INPP4B: variants seen among roughly 807,000 people sequenced by gnomAD.
INPP4B encodes inositol polyphosphate-4-phosphatase type II B, also known as inositol polyphosphate 4-phosphatase type II.
In INPP4B, 55 loss-of-function variants were observed where a neutral mutation model predicts 122.5. The observed-to-expected ratio is 0.45, with a 90% CI of 0.36 to 0.56. The LOEUF is 0.56. Among genes scored for constraint, INPP4B ranks in the 20% least tolerant of loss-of-function variants. The pLI, the probability that INPP4B is intolerant of heterozygous loss-of-function variation, is 0.00. For synonymous variants in INPP4B, 403 were observed against 388.7 expected (o/e 1.04, Z -0.43); for missense variants, 1,000 against 1,097.7 (o/e 0.91, Z 1.26).
intron 1 of INPP4B, among the ~76,000 whole-genome samples, chr4:142,777,296 G>A (rs1169823212): frequency 6.6e-6 from 1 of 152,132 alleles, no homozygotes; most frequent in East Asian, 1.9e-4. Flanking sequence ...ACAGAAGACT[G>A]GAGAGAGATA....
chr4:142,549,957 TAGG>T (rs983722634), intron 2 of INPP4B, among the ~76,000 whole-genome samples: 1 of 152,106 alleles, frequency 6.6e-6, no homozygotes, highest in African/African-American at 2.4e-5. Flanking sequence ...CCTCGTGTAT[TAGG>T]AGGAGGGGGA....
chr4:142,330,185 T>G (rs1043511771), intron 7 of INPP4B, among the ~76,000 whole-genome samples: 1 of 152,172 alleles, frequency 6.6e-6, no homozygotes, highest in Non-Finnish European at 1.5e-5. Context: ...CAAAGACCCA[T>G]GAAGAGCAAA....
intron 17 of INPP4B, among the ~76,000 whole-genome samples, chr4:142,152,534 T>G (rs1342179820): frequency 1.3e-5 from 2 of 152,180 alleles, no homozygotes; most frequent in African/African-American, 2.4e-5. Flanking sequence ...TTCTTCCATC[T>G]TTTCCGACTG....
intron 7 of INPP4B, among the ~76,000 whole-genome samples, chr4:142,369,657 T>C (rs896153107): frequency 6.6e-6 from 1 of 151,426 alleles, no homozygotes; most frequent in Non-Finnish European, 1.5e-5. Flanking sequence ...CTGGGCTCAG[T>C]GGCTCATGCC....
intron 12 of INPP4B, among the ~76,000 whole-genome samples, chr4:142,222,088 T>C (rs903378510): frequency 6.6e-6 from 1 of 152,218 alleles, no homozygotes; most frequent in African/African-American, 2.4e-5. Flanking sequence ...GCCTCCCAAG[T>C]AGCCAGGATT....
At chr4:142,599,178 A>G (rs930138721) in intron 2 of INPP4B, among the ~76,000 whole-genome samples, 2 of 152,140 alleles carry the variant, frequency 1.3e-5, no homozygotes, top group South Asian at 2.1e-4. Flanking sequence ...CAGGTTCCTG[A>G]GTACCCTCTT....
chr4:142,554,149 G>C (rs12645394), intron 2 of INPP4B, among the ~76,000 whole-genome samples: 57,079 of 146,046 alleles, frequency 0.39, 12,421 homozygotes, highest in East Asian at 0.81. Context: ...ATATTGCCCA[G>C]TGCACTCCAG....
intron 3 of INPP4B, among the ~76,000 whole-genome samples, chr4:142,449,979 GCTGCCAGGGT>G (rs1813788493): frequency 6.6e-6 from 1 of 152,090 alleles, no homozygotes; most frequent in Non-Finnish European, 1.5e-5. Flanking sequence ...CACTTCCCAG[GCTGCCAGGGT>G]CTCATAATCT....
At chr4:142,214,251 C>T (rs1184174796) in intron 12 of INPP4B, among the ~76,000 whole-genome samples, 1 of 152,136 alleles carries the variant, frequency 6.6e-6, no homozygotes, top group Non-Finnish European at 1.5e-5. Flanking sequence ...CTAGTACATT[C>T]TAGAACTCTA....
chr4:142,075,580 G>C (rs1007419807), intron 25 of INPP4B, among the ~76,000 whole-genome samples: 3 of 151,946 alleles, frequency 2.0e-5, no homozygotes, highest in African/African-American at 7.2e-5. Flanking sequence ...AAGACCAGGA[G>C]AACTTCCCCA....
intron 2 of INPP4B, among the ~76,000 whole-genome samples, chr4:142,683,564 T>C (rs150610079): frequency 7.3e-5 from 11 of 151,702 alleles, no homozygotes; most frequent in Non-Finnish European, 1.6e-4. Context: ...TTGGTAGTCA[T>C]TGAGTTGTCT....
At chr4:142,535,190 G>T (rs180718548) in intron 2 of INPP4B, among the ~76,000 whole-genome samples, 3 of 152,006 alleles carry the variant, frequency 2.0e-5, no homozygotes, top group Non-Finnish European at 4.4e-5. Flanking sequence ...TGAGCATCTA[G>T]AGACACATCT....
chr4:142,344,021 T>C (rs1443941579), intron 7 of INPP4B, among the ~76,000 whole-genome samples: 1 of 152,106 alleles, frequency 6.6e-6, no homozygotes, highest in African/African-American at 2.4e-5. Flanking sequence ...GTTATTATCA[T>C]TGAGATTTCC....
At chr4:142,764,871 A>T (rs1771863802) in intron 1 of INPP4B, among the ~76,000 whole-genome samples, 1 of 152,086 alleles carries the variant, frequency 6.6e-6, no homozygotes, top group Non-Finnish European at 1.5e-5. Flanking sequence ...TATGAGGCTA[A>T]GACGTTCGCT....
chr4:142,257,888 T>C (rs1167143686), intron 11 of INPP4B, among the ~76,000 whole-genome samples: 1 of 152,176 alleles, frequency 6.6e-6, no homozygotes, highest in Non-Finnish European at 1.5e-5. Flanking sequence ...AGAGCCTGCA[T>C]TGCCAAGTCA....
At chr4:142,364,342 A>C (rs1786623433) in intron 7 of INPP4B, among the ~76,000 whole-genome samples, 1 of 152,028 alleles carries the variant, frequency 6.6e-6, no homozygotes, top group Non-Finnish European at 1.5e-5. Flanking sequence ...AAAATGAGAA[A>C]GAAGACTTTG....
At chr4:142,091,264 G>T (rs1269754682) in intron 23 of INPP4B, among the ~76,000 whole-genome samples, 1 of 152,172 alleles carries the variant, frequency 6.6e-6, no homozygotes, top group Non-Finnish European at 1.5e-5. Flanking sequence ...ACTGAGCCAA[G>T]ATTCCAGGAA....
chr4:142,803,714 C>T (rs1778316176), intron 1 of INPP4B, among the ~76,000 whole-genome samples: 1 of 150,972 alleles, frequency 6.6e-6, no homozygotes, highest in South Asian at 2.1e-4. Flanking sequence ...AAGCAAGACA[C>T]TGATGTTAAT....
intron 5 of INPP4B, among the ~76,000 whole-genome samples, chr4:142,422,195 A>C (rs1807042544): frequency 6.6e-6 from 1 of 152,154 alleles, no homozygotes. Context: ...CATAGAAATC[A>C]GGGATGATAA....
Sources: gnomAD v4.1 joint callset for allele counts (sites outside exome capture counted in the v4.1 genomes callset) on GRCh38, gnomAD v4.1.1 for gene constraint, MANE v1.5 for transcripts, NCBI Gene and HGNC (gene_info 2026-07-23, HGNC 2026-07-21) for gene names.